The following TBCA variants were observed in gnomAD, a reference collection of about 807,000 sequenced individuals.
The protein encoded by TBCA is tubulin folding cofactor A, also known as tubulin-specific chaperone A.
Under a neutral mutation model 15.8 loss-of-function variants are expected in TBCA, and 6 were observed. The observed-to-expected ratio is 0.38, with a 90% confidence interval of 0.21 to 0.75. TBCA has a LOEUF of 0.75. Among genes scored for constraint, TBCA ranks in the 30% least tolerant of loss-of-function variants. The probability of loss-of-function intolerance (pLI) is 0.46; values close to 1 mark genes in which losing one functional copy is unlikely to be tolerated. For synonymous variants in TBCA, 32 were observed against 42.3 expected, an observed-to-expected ratio of 0.76 and a Z score of 0.94; for missense variants, 90 against 131.2, an observed-to-expected ratio of 0.69 and a Z score of 1.53.
At chr5:77,712,871 T>C (rs1239275344) in intron 1 of TBCA, among the ~76,000 whole-genome samples, 1 of 152,214 alleles carries the variant, frequency 6.6e-6, no homozygotes, top group Non-Finnish European at 1.5e-5. Context: ...GATTTGGAAT[T>C]CACAAACACA....
At chr5:77,704,972 C>G (rs1746114304) in intron 2 of TBCA, among the ~76,000 whole-genome samples, 2 of 152,148 alleles carry the variant, frequency 1.3e-5, no homozygotes, top group Non-Finnish European at 2.9e-5. Flanking sequence ...GTAGAAACAA[C>G]TTTTGAACAA....
intron 1 of TBCA, among the ~76,000 whole-genome samples, chr5:77,716,569 A>G (rs1320431901): frequency 6.6e-6 from 1 of 152,206 alleles, no homozygotes; most frequent in African/African-American, 2.4e-5. Flanking sequence ...TAAGTCCTCA[A>G]AACAAACCAA....
chr5:77,715,058 CA>C (rs1746367891), intron 1 of TBCA, among the ~76,000 whole-genome samples: 1 of 152,092 alleles, frequency 6.6e-6, no homozygotes, highest in Non-Finnish European at 1.5e-5. Flanking sequence ...ACTGGTAATA[CA>C]GAGGGTTTGC....
chr5:77,747,504 C>A (rs1325516755), intron 1 of TBCA, among the ~76,000 whole-genome samples: 1 of 152,016 alleles, frequency 6.6e-6, no homozygotes, highest in Non-Finnish European at 1.5e-5. Flanking sequence ...ATATGGCAAG[C>A]GTCTATAACT....
intron 2 of TBCA, chr5:77,705,671 T>C: frequency 7.6e-6 from 3 of 397,246 alleles, no homozygotes; most frequent in Non-Finnish European, 1.3e-5. Flanking sequence ...CTATAAAAAA[T>C]TTAAAAATTG....
intron 1 of TBCA, among the ~76,000 whole-genome samples, chr5:77,737,317 C>CAG (rs1746931728): frequency 6.6e-6 from 1 of 152,174 alleles, no homozygotes; most frequent in Non-Finnish European, 1.5e-5. Flanking sequence ...AAACGAAAGG[C>CAG]TTGCCTCTCT....
At chr5:77,710,913 C>T (rs1481437166) in intron 1 of TBCA, among the ~76,000 whole-genome samples, 1 of 152,166 alleles carries the variant, frequency 6.6e-6, no homozygotes, top group African/African-American at 2.4e-5. Context: ...AGCAATGAGA[C>T]TTTCAATACT....
At chr5:77,749,501 T>C (rs1178996685) in intron 1 of TBCA, among the ~76,000 whole-genome samples, 1 of 152,244 alleles carries the variant, frequency 6.6e-6, no homozygotes, top group East Asian at 1.9e-4. Flanking sequence ...ATTTATGACA[T>C]ACCTAACTTT....
intron 1 of TBCA, among the ~76,000 whole-genome samples, chr5:77,737,957 T>C (rs1035240635): frequency 2.0e-5 from 3 of 152,246 alleles, no homozygotes; most frequent in African/African-American, 7.2e-5. Flanking sequence ...AATTGCCTTA[T>C]TATCTGCTCT....
chr5:77,737,166 G>C (rs750300477), intron 1 of TBCA, among the ~76,000 whole-genome samples: 1 of 152,132 alleles, frequency 6.6e-6, no homozygotes, highest in Non-Finnish European at 1.5e-5. Context: ...AAGTCTCATG[G>C]TACTCAAGAG....
intron 1 of TBCA, among the ~76,000 whole-genome samples, chr5:77,735,348 A>G (rs1746875988): frequency 1.3e-5 from 2 of 152,148 alleles, no homozygotes; most frequent in Non-Finnish European, 2.9e-5. Flanking sequence ...TTTCAAAGGG[A>G]ATTTCATTGT....
At chr5:77,730,220 T>C (rs374394513) in intron 1 of TBCA, among the ~76,000 whole-genome samples, 22 of 152,212 alleles carry the variant, frequency 1.4e-4, no homozygotes, top group African/African-American at 5.3e-4. Context: ...TATGATGGGG[T>C]CATAATGAAT....
At chr5:77,734,555 C>T (rs745579549) in intron 1 of TBCA, among the ~76,000 whole-genome samples, 7 of 152,136 alleles carry the variant, frequency 4.6e-5, no homozygotes, top group Non-Finnish European at 1.0e-4. Context: ...TGTGACCAAA[C>T]GGCTACAGTC....
chr5:77,754,778 G>A (rs1316323075), intron 1 of TBCA, among the ~76,000 whole-genome samples: 1 of 152,146 alleles, frequency 6.6e-6, no homozygotes, highest in Admixed American at 6.5e-5. Context: ...GTATTTGGCA[G>A]AGATAAAAAT....
intron 1 of TBCA, among the ~76,000 whole-genome samples, chr5:77,713,085 G>A (rs2662383): frequency 0.23 from 34,651 of 152,038 alleles, 4,669 homozygotes; most frequent in Non-Finnish European, 0.31. Context: ...CTTGAGGCCA[G>A]GAGTCTGAGA....
chr5:77,691,442 C>T lies in TBCA; in HGVS notation c.303G>A (p.Leu101=), dbSNP rs147194873. 5.3e-5 allele frequency: 84 copies of T among 1,597,762 alleles called. No individual in the cohort carries two copies. The highest frequency in any genetic ancestry group is 7.0e-5 in the Non-Finnish European group (82 of 1,176,388). The stretch of plus-strand genomic sequence containing the variant: ...TTCAGGCTTCTAACTTCACTGAATC[C>T]AGTACTAAACGTGCTTCTTTATATT... The part of the protein sequence containing the change: ...AEEYKEARLV[L]DSVKLEA Residue 101 remains leucine (L), a synonymous_variant, in exon 4 of 4, where the codon CTG becomes CTA. Coordinates refer to ENST00000380377, the MANE Select transcript of TBCA (RefSeq NM_004607.3).
At chr5:77,698,584 A>G (rs1035732526) in intron 2 of TBCA, among the ~76,000 whole-genome samples, 3 of 152,222 alleles carry the variant, frequency 2.0e-5, no homozygotes, top group African/African-American at 7.2e-5. Context: ...CAAACATTTA[A>G]ATAACAATTA....
intron 1 of TBCA, among the ~76,000 whole-genome samples, chr5:77,761,230 T>C (rs7730573): frequency 0.18 from 27,007 of 151,642 alleles, 2,637 homozygotes; most frequent in African/African-American, 0.25. Flanking sequence ...AGAGATCAGA[T>C]TGTTACCGTG....
At chr5:77,704,969 C>A (rs373208809) in intron 2 of TBCA, among the ~76,000 whole-genome samples, 4 of 152,218 alleles carry the variant, frequency 2.6e-5, no homozygotes, top group Admixed American at 6.5e-5. Context: ...AGGGTAGAAA[C>A]AACTTTTGAA....
Sources: gnomAD v4.1 joint callset for allele counts (sites outside exome capture counted in the v4.1 genomes callset) on GRCh38, gnomAD v4.1.1 for gene constraint, MANE v1.5 for transcripts, NCBI Gene and HGNC (gene_info 2026-07-23, HGNC 2026-07-21) for gene names.